The following OPCML variants were observed in gnomAD, a reference collection of about 807,000 sequenced individuals.
OPCML encodes the protein opioid binding protein/cell adhesion molecule like, also known as opioid-binding protein/cell adhesion molecule.
Under a neutral mutation model 37.8 loss-of-function variants are expected in OPCML, and 13 were observed. The observed-to-expected ratio is 0.34, with a 90% CI of 0.22 to 0.55. The LOEUF (loss-of-function observed/expected upper bound fraction) is 0.55, where lower values mean the gene tolerates loss of function less well. Among genes scored for constraint, OPCML ranks in the 20% least tolerant of loss-of-function variants. The pLI, the probability that OPCML is intolerant of heterozygous loss-of-function variation, is 0.91. For missense variants in OPCML, 341 were observed against 435.6 expected (o/e 0.78, Z 1.93); for synonymous variants, 176 against 168.8 (o/e 1.04, Z -0.33).
intron 1 of OPCML, among the ~76,000 whole-genome samples, chr11:133,156,128 T>A (rs996857648): frequency 1.3e-5 from 2 of 152,212 alleles, no homozygotes; most frequent in African/African-American, 4.8e-5. Flanking sequence ...TTTAAAGTCA[T>A]CCTTTGATCT....
chr11:132,472,443 G>A (rs578234240), intron 4 of OPCML, among the ~76,000 whole-genome samples: 1 of 152,300 alleles, frequency 6.6e-6, no homozygotes, highest in South Asian at 2.1e-4. Flanking sequence ...TCATTATGAA[G>A]GACAATGTTC....
intron 2 of OPCML, among the ~76,000 whole-genome samples, chr11:132,726,608 A>G (rs1466958387): frequency 6.6e-6 from 1 of 152,150 alleles, no homozygotes; most frequent in Non-Finnish European, 1.5e-5. Context: ...TACAAAAGAA[A>G]TATTGAACTG....
At chr11:132,836,142 G>A (rs1402401728) in intron 2 of OPCML, among the ~76,000 whole-genome samples, 1 of 152,124 alleles carries the variant, frequency 6.6e-6, no homozygotes, top group Admixed American at 6.5e-5. Flanking sequence ...TTTCAACAGG[G>A]AACTTAGGCA....
chr11:132,768,330 C>T (rs1055737339), intron 2 of OPCML, among the ~76,000 whole-genome samples: 2 of 152,138 alleles, frequency 1.3e-5, no homozygotes, highest in African/African-American at 2.4e-5. Context: ...CCCATTCCGT[C>T]GATCTCTACA....
At chr11:133,417,560 T>C (rs1945795221) in intron 1 of OPCML, among the ~76,000 whole-genome samples, 1 of 152,100 alleles carries the variant, frequency 6.6e-6, no homozygotes, top group African/African-American at 2.4e-5. Flanking sequence ...TGTATACATG[T>C]GCCATGTTGG....
At chr11:132,686,003 G>C (rs1350200512) in intron 2 of OPCML, among the ~76,000 whole-genome samples, 1 of 152,158 alleles carries the variant, frequency 6.6e-6, no homozygotes, top group Non-Finnish European at 1.5e-5. Context: ...TGTGGGGCAT[G>C]AGGCATGTTC....
At chr11:132,724,577 T>C (rs1944805969) in intron 2 of OPCML, among the ~76,000 whole-genome samples, 1 of 152,134 alleles carries the variant, frequency 6.6e-6, no homozygotes, top group Non-Finnish European at 1.5e-5. Context: ...AAATCTCATG[T>C]CTTCACATTT....
At chr11:133,204,717 A>G (rs1938954913) in intron 1 of OPCML, among the ~76,000 whole-genome samples, 1 of 152,024 alleles carries the variant, frequency 6.6e-6, no homozygotes, top group Non-Finnish European at 1.5e-5. Flanking sequence ...GTAACAGGCT[A>G]GGGACAGGAG....
intron 2 of OPCML, among the ~76,000 whole-genome samples, chr11:132,675,517 T>C (rs1290430464): frequency 5.3e-5 from 8 of 152,046 alleles, no homozygotes; most frequent in Admixed American, 3.9e-4. Flanking sequence ...GAATGAAATA[T>C]CTTACATATA....
At chr11:132,556,182 A>G (rs935145911) in intron 3 of OPCML, among the ~76,000 whole-genome samples, 3 of 152,076 alleles carry the variant, frequency 2.0e-5, no homozygotes, top group African/African-American at 7.2e-5. Context: ...GGCTCAAGCA[A>G]TCCTCCTGCC....
At chr11:132,938,419 C>A (rs764197971) in intron 2 of OPCML, among the ~76,000 whole-genome samples, 3 of 152,064 alleles carry the variant, frequency 2.0e-5, no homozygotes, top group Non-Finnish European at 2.9e-5. Flanking sequence ...TACTTTAAAG[C>A]TGTGTATAAG....
At chr11:132,598,542 T>A (rs1224372198) in intron 3 of OPCML, among the ~76,000 whole-genome samples, 1 of 152,186 alleles carries the variant, frequency 6.6e-6, no homozygotes, top group Non-Finnish European at 1.5e-5. Flanking sequence ...ATCTATCATT[T>A]TAGTTCTTAG....
At position 133,083,878 on chromosome 11, in the gene OPCML, TTCTC is replaced by T. The variant is rs201103234; in HGVS notation, c.62-140872_62-140869del. On this transcript the variant is annotated intron_variant, in intron 1 of 7. Transcript: ENST00000524381. ...TTGGTAGATGTCCCAATCCTAAATGTTCTCTCTTTGAATTCTTACTGTGTGAAAA... is the reference window on the plus strand; with the variant it reads ...TTGGTAGATGTCCCAATCCTAAATGTTCTTTGAATTCTTACTGTGTGAAAA... Among the ~76,000 whole-genome samples the T allele has an allele frequency of 6.1e-3, 924 of 152,330 alleles. 10 individuals are homozygous for T. The highest frequency in any genetic ancestry group is 0.021 in the African/African-American group (859 of 41,578).
chr11:133,469,521 C>A (rs941455945), intron 1 of OPCML, among the ~76,000 whole-genome samples: 2 of 152,202 alleles, frequency 1.3e-5, no homozygotes, highest in African/African-American at 2.4e-5. Context: ...CCAGTTTCAC[C>A]CTACTCCAGC....
intron 1 of OPCML, among the ~76,000 whole-genome samples, chr11:133,498,555 C>T (rs1174996197): frequency 6.6e-6 from 1 of 152,202 alleles, no homozygotes. Context: ...GACAACTGTA[C>T]TTGAAAATAT....
chr11:133,376,119 G>C (rs769657874), intron 1 of OPCML, among the ~76,000 whole-genome samples: 1 of 152,112 alleles, frequency 6.6e-6, no homozygotes, highest in African/African-American at 2.4e-5. Flanking sequence ...GAAAGAGATT[G>C]TACTGGAGGG....
chr11:133,062,557 T>G (rs997652168), intron 1 of OPCML, among the ~76,000 whole-genome samples: 3 of 152,242 alleles, frequency 2.0e-5, no homozygotes, highest in African/African-American at 7.2e-5. Context: ...GGTAAAGGTC[T>G]TGGTTCAGAA....
At chr11:133,249,741 C>T (rs570906994) in intron 1 of OPCML, among the ~76,000 whole-genome samples, 3 of 152,328 alleles carry the variant, frequency 2.0e-5, no homozygotes, top group Admixed American at 1.3e-4. Context: ...GAAGACAGCT[C>T]AGTAGCAATT....
chr11:132,754,283 G>A (rs1233428119), intron 2 of OPCML, among the ~76,000 whole-genome samples: 1 of 152,194 alleles, frequency 6.6e-6, no homozygotes. Flanking sequence ...GTGTTGTGGA[G>A]GGACCCGATG....
Sources: gnomAD v4.1 joint callset for allele counts (sites outside exome capture counted in the v4.1 genomes callset) on GRCh38, gnomAD v4.1.1 for gene constraint, MANE v1.5 for transcripts, NCBI Gene and HGNC (gene_info 2026-07-23, HGNC 2026-07-21) for gene names.